Variants in ARHGEF18 observed in about 807,000 individuals in gnomAD.
ARHGEF18 encodes Rho/Rac guanine nucleotide exchange factor 18, also known as rho guanine nucleotide exchange factor 18.
In ARHGEF18, 93 loss-of-function variants were observed where a neutral mutation model predicts 155.7. The observed-to-expected ratio is 0.60, with a 90% CI of 0.50 to 0.71. The LOEUF (loss-of-function observed/expected upper bound fraction) is 0.71. Ranked by LOEUF, ARHGEF18 falls within the 30% of genes least tolerant of loss-of-function variation. The pLI is 0.00. For missense variants in ARHGEF18, 1,593 were observed against 1,816.1 expected, an observed-to-expected ratio of 0.88 and a Z score of 2.23; for synonymous variants, 742 against 753.1, an observed-to-expected ratio of 0.99 and a Z score of 0.24.
intron 10 of ARHGEF18, among the ~76,000 whole-genome samples, chr19:7,387,515 GT>G (rs1159255202): frequency 6.6e-6 from 1 of 152,038 alleles, no homozygotes; most frequent in African/African-American, 2.4e-5. Context: ...AATGGGGTGG[GT>G]TTTTTACATT....
At chr19:7,429,809 G>A (rs989232812) in intron 10 of ARHGEF18, among the ~76,000 whole-genome samples, 4 of 152,202 alleles carry the variant, frequency 2.6e-5, no homozygotes, top group East Asian at 1.9e-4. Context: ...TGCATGCCAC[G>A]GAGAGGGTGC....
downstream of ARHGEF18, chr19:7,476,975 A>C: frequency 2.4e-6 from 1 of 412,672 alleles, no homozygotes; most frequent in Non-Finnish European, 4.3e-6. Context: ...GCCAGCTGGC[A>C]GGCAGGAGGT....
At chr19:7,371,617 T>G (rs1033236780) in intron 2 of ARHGEF18, among the ~76,000 whole-genome samples, 8 of 152,052 alleles carry the variant, frequency 5.3e-5, no homozygotes, top group Non-Finnish European at 7.4e-5. Flanking sequence ...GGTCAGGAGT[T>G]CGAGACCAAC....
chr19:7,410,852 AT>A lies in ARHGEF18; in HGVS notation c.967+27652del, dbSNP rs1344076259. Among the ~76,000 whole-genome samples the A allele has an allele frequency of 4.6e-4, 64 of 137,796 alleles. 1 individual carries two copies. Among genetic ancestry groups the A allele is most frequent in the African/African-American group, 1.6e-3 (61 of 38,680 alleles). 90.4% of individuals were successfully genotyped at this position (137,796 alleles called of 152,430 possible). On this transcript the variant is annotated intron_variant, in intron 10 of 28. Transcript: ENST00000668164. The stretch of plus-strand genomic sequence containing the variant: ...AAGGTTTTTCACCCTTGTCATTTTG[AT>A]TTCTGCCCAGTCAATAGAACTAACA...
intron 10 of ARHGEF18, among the ~76,000 whole-genome samples, chr19:7,397,499 G>A (rs1048911633): frequency 5.1e-5 from 6 of 116,832 alleles, no homozygotes; most frequent in South Asian, 2.6e-4. Context: ...TGGGAGGCCC[G>A]GGGGGGGGCA....
Position 7,383,113 on chromosome 19 carries a change from C to A in ARHGEF18, c.877C>A (p.Arg293=), listed in dbSNP as rs916602285. The A allele has an allele frequency of 8.1e-6, 10 of 1,232,142 alleles. No individual in the cohort carries two copies. Among genetic ancestry groups the A allele is most frequent in the East Asian group, 3.2e-5 (1 of 31,714 alleles). 76.3% of individuals were successfully genotyped at this position (1,232,142 alleles called of 1,614,324 possible). The change falls in exon 10 of 29, where the codon CGG becomes AGG. Residue 293 remains arginine, a synonymous_variant. Coordinates refer to ENST00000668164, the MANE Select transcript of ARHGEF18 (RefSeq NM_001367823.1). ...CAAGGGCCAGGATGCACGAGAGAGG[C>A]GGGAGTGTGTCAATGGGCACCAGCT... ...KDKGQDARER[R]ECVNGHQLLQ... is the part of the protein sequence containing the mutation.
chr19:7,462,365 A>C lies in ARHGEF18; in HGVS notation c.2635+31A>C, dbSNP rs1247133594. The C allele has an allele frequency of 6.5e-7, 1 of 1,541,680 alleles. No homozygotes were observed. The highest frequency in any genetic ancestry group is 1.3e-5 in the South Asian group (1 of 79,134). On this transcript the variant is annotated intron_variant, in intron 21 of 28. Coordinates refer to ENST00000668164, the MANE Select transcript of ARHGEF18 (RefSeq NM_001367823.1). This position sits in a 1 kb window ranked among gnomAD's most constrained non-coding sequence, Gnocchi z 4.4. ...TTGGCTGCCCACACCTCAAGGGTGC[A>C]GTCTTGCCGGGGTGGGCTCCTCAGG...
At position 7,415,984 on chromosome 19, in the gene ARHGEF18, C is replaced by T. The variant is rs1247732470; in HGVS notation, c.968-24360C>T. On this transcript the variant is annotated intron_variant, in intron 10 of 28. Coordinates refer to ENST00000668164, the MANE Select transcript of ARHGEF18 (RefSeq NM_001367823.1). ...ACACAGGTTCCCAGCTGAGGCTGAG[C>T]GAGGCGACACTCCACCTTCTCGTTC... is the stretch of plus-strand genomic sequence containing the variant. 3.9e-5 allele frequency among the ~76,000 whole-genome samples: 6 copies of T among 152,274 alleles called. No homozygotes were observed. In the East Asian group the frequency reaches 5.8e-4, roughly 15 times the overall value.
At chr19:7,467,869 A>G (rs1976761123) in intron 26 of ARHGEF18, among the ~76,000 whole-genome samples, 185 bp downstream of exon 26, 1 of 152,244 alleles carries the variant, frequency 6.6e-6, no homozygotes, top group African/African-American at 2.4e-5. Context: ...AGCTGGCTAA[A>G]TGCTTAACAG....
At chr19:7,447,203 T>A in intron 15 of ARHGEF18, 35 bp downstream of exon 15, 1 of 1,560,954 alleles carries the variant, frequency 6.4e-7, no homozygotes, top group Non-Finnish European at 8.7e-7. Flanking sequence ...CAAAAACTTA[T>A]ATTCTGGCCG....
intron 3 of ARHGEF18, among the ~76,000 whole-genome samples, chr19:7,375,354 AAAGGAAG>A (rs113132094): frequency 0.024 from 3,360 of 142,310 alleles, 144 homozygotes; most frequent in African/African-American, 0.083. Context: ...AAAAGAAAGA[AAAGGAAG>A]GAAGGAAGGA....
chr19:7,470,399 T>A lies in ARHGEF18; in HGVS notation c.*101T>A. The A allele has an allele frequency of 1.7e-6, 2 of 1,144,772 alleles. No homozygotes were observed. Among genetic ancestry groups the A allele is most frequent in the Non-Finnish European group, 2.2e-6 (2 of 899,372 alleles). 70.9% of individuals were successfully genotyped at this position (1,144,772 alleles called of 1,614,324 possible). A position where few individuals can be genotyped will look rare whatever the true frequency, so the allele number is the denominator to read the frequency against. Reference sequence around the variant, plus strand: ...TCACCATGCCCACCCAGCTGTCCCCTCCTCTTCCCTAGCAAACCACTGATG... The same window carrying A: ...TCACCATGCCCACCCAGCTGTCCCCACCTCTTCCCTAGCAAACCACTGATG... On this transcript the variant is annotated 3_prime_UTR_variant, in exon 29 of 29. Coordinates refer to ENST00000668164, the MANE Select transcript of ARHGEF18 (RefSeq NM_001367823.1). This position sits in a 1 kb window ranked among gnomAD's most constrained non-coding sequence, Gnocchi z 5.9.
intron 3 of ARHGEF18, among the ~76,000 whole-genome samples, chr19:7,374,360 T>G (rs1002649035): frequency 1.3e-5 from 2 of 152,004 alleles, no homozygotes; most frequent in East Asian, 1.9e-4. Flanking sequence ...TGACCGAGCA[T>G]GCATGCACAA....
At chr19:7,449,298 G>A (rs892299830) in intron 15 of ARHGEF18, among the ~76,000 whole-genome samples, 3 of 151,866 alleles carry the variant, frequency 2.0e-5, no homozygotes, top group Non-Finnish European at 4.4e-5. Flanking sequence ...CAGGCTGGGC[G>A]TGGTGGCTCA....
chr19:7,426,507 A>G (rs534927011), intron 10 of ARHGEF18, among the ~76,000 whole-genome samples: 13 of 151,890 alleles, frequency 8.6e-5, no homozygotes, highest in African/African-American at 2.4e-4. Flanking sequence ...AAAAAAGAAA[A>G]AAAGCACCAA....
At chr19:7,394,310 C>T (rs919743134) in intron 10 of ARHGEF18, among the ~76,000 whole-genome samples, 4 of 152,048 alleles carry the variant, frequency 2.6e-5, no homozygotes, top group African/African-American at 9.7e-5. Context: ...GACTGGTGGT[C>T]CTGAACTCCT....
chr19:7,358,413 CATCT>C (rs1415012376), intron 1 of ARHGEF18, among the ~76,000 whole-genome samples: 2 of 151,920 alleles, frequency 1.3e-5, no homozygotes, highest in South Asian at 2.1e-4. Flanking sequence ...CCTATCCATC[CATCT>C]ACCTGTCCAA....
chr19:7,447,982 G>T (rs35846694), intron 15 of ARHGEF18, among the ~76,000 whole-genome samples: 1 of 152,024 alleles, frequency 6.6e-6, no homozygotes, highest in Non-Finnish European at 1.5e-5. Context: ...AGATACATAT[G>T]TATACACACA....
Position 7,453,454 on chromosome 19 carries a change from CTA to C in ARHGEF18, c.1856-11_1856-10del, listed in dbSNP as rs1199128910. 6.3e-7 allele frequency: 1 copy of C among 1,580,418 alleles called. No individual in the cohort carries two copies. Among genetic ancestry groups the C allele is most frequent in the African/African-American group, 1.4e-5 (1 of 73,628 alleles). On this transcript the variant is annotated splice_polypyrimidine_tract_variant and intron_variant, in intron 16 of 28. Coordinates refer to ENST00000668164, the MANE Select transcript of ARHGEF18 (RefSeq NM_001367823.1). ...GTGGAAAAGAAAGACGCTAACTCTGCTATGTGTGGCAGCTGGCACTGAGGACT... is the reference window on the plus strand; with the variant it reads ...GTGGAAAAGAAAGACGCTAACTCTGCTGTGTGGCAGCTGGCACTGAGGACT...
Sources: gnomAD v4.1 joint callset for allele counts (sites outside exome capture counted in the v4.1 genomes callset) on GRCh38, gnomAD v4.1.1 for gene constraint, Gnocchi (gnomAD v3.1) non-coding constraint, MANE v1.5 for transcripts, NCBI Gene and HGNC (gene_info 2026-07-23, HGNC 2026-07-21) for gene names.